The following HERC1 variants were observed in gnomAD, a reference collection of about 807,000 sequenced individuals.
HERC1 encodes the protein HECT and RLD domain containing E3 ubiquitin protein ligase family member 1.
HERC1 carries 160 observed loss-of-function variants against 554.3 expected under a neutral mutation model. The observed-to-expected ratio is 0.29, with a 90% CI of 0.25 to 0.33. HERC1 has a LOEUF of 0.33. Among genes scored for constraint, HERC1 ranks in the 10% least tolerant of loss-of-function variants. The pLI is 1.00. For missense variants in HERC1, 4,919 were observed against 5,918.5 expected (o/e 0.83, Z 5.54); for synonymous variants, 2,175 against 2,131.7 (o/e 1.02, Z -0.56).
intron 12 of HERC1, among the ~76,000 whole-genome samples, chr15:63,744,140 GTGTGTGTGTGTGTGTGTGTGTGTGTCTC>G (rs1197391057): frequency 4.7e-5 from 2 of 42,546 alleles, no homozygotes; most frequent in South Asian, 5.3e-4. Context: ...GTGTGTGTGT[GTGTGTGTGTGTGTGTGTGTGTGTGTCTC>G]TCTCTCTCTC....
chr15:63,662,382 T>C (rs1595917795), intron 44 of HERC1, among the ~76,000 whole-genome samples: 1 of 152,244 alleles, frequency 6.6e-6, no homozygotes, highest in Admixed American at 6.5e-5. Flanking sequence ...ACCTACTTTA[T>C]GAATTTTTGG....
chr15:63,637,289 A>G (rs530479839), intron 64 of HERC1, among the ~76,000 whole-genome samples: 1 of 152,214 alleles, frequency 6.6e-6, no homozygotes, highest in African/African-American at 2.4e-5. Flanking sequence ...AGTGTTATTT[A>G]TATTTCACTG....
intron 46 of HERC1, among the ~76,000 whole-genome samples, chr15:63,660,407 T>G (rs937620041): frequency 7.2e-5 from 11 of 152,162 alleles, no homozygotes; most frequent in African/African-American, 2.7e-4. Context: ...CATAATGAAC[T>G]ATGGCACCAT....
intron 74 of HERC1, among the ~76,000 whole-genome samples, chr15:63,621,581 CAG>C (rs1347704986): frequency 6.6e-6 from 1 of 151,818 alleles, no homozygotes; most frequent in Non-Finnish European, 1.5e-5. Flanking sequence ...TACTATCCTG[CAG>C]AGTGTTTTCC....
In HERC1 at chr15:63,696,168, G is replaced by A. The variant is rs200245307; in HGVS notation, c.5077C>T (p.His1693Tyr). ...CCACTCTCTCCCTTGCCTCCTGTGT[G>A]TCCAACAGTGCCTAAACCAAAACAC... ...AGCFGLGTVG[H>Y]TGGKGESGRL... The change falls in exon 27 of 78, where the codon CAC (histidine) becomes TAC (tyrosine). Residue 1693 changes from histidine to tyrosine, a missense_variant. This residue lies in a region of HERC1 where 1,121 missense variants were observed against 1,244.0 expected (regional missense o/e 0.90). Coordinates refer to ENST00000443617, the MANE Select transcript of HERC1 (RefSeq NM_003922.4). The A allele has an allele frequency of 2.0e-5, 33 of 1,613,558 alleles. No homozygotes were observed. The highest frequency in any genetic ancestry group is 2.6e-5 in the Non-Finnish European group (31 of 1,179,746).
At chr15:63,627,818 A>T (rs1232363577) in intron 70 of HERC1, among the ~76,000 whole-genome samples, 1 of 152,252 alleles carries the variant, frequency 6.6e-6, no homozygotes, top group African/African-American at 2.4e-5. Context: ...TGTTGAGCAC[A>T]CAAGTATGTA....
In HERC1 at chr15:63,806,592, C is replaced by T. The variant is rs76227313; in HGVS notation, c.-27+27235G>A. On this transcript the variant is annotated intron_variant, in intron 1 of 77. Coordinates refer to ENST00000443617, the MANE Select transcript of HERC1 (RefSeq NM_003922.4). ...CCTACTCTTTTGTCCCTTTCAGCCA[C>T]TGGCACCCTAGCTTTCTCACTGCAA... Among the ~76,000 whole-genome samples, 1,004 of 152,324 alleles carry T rather than the reference C, an allele frequency of 6.6e-3. 17 individuals are homozygous for T. Among genetic ancestry groups the T allele is most frequent in the African/African-American group, 0.023 (970 of 41,564 alleles).
chr15:63,674,951 G>A lies in HERC1; in HGVS notation c.7237C>T (p.Arg2413Ter), dbSNP rs1452104180. The change falls in exon 38 of 78, where the codon CGA becomes TGA. Residue 2413 changes from arginine (R) to a stop codon, truncating the protein, a stop_gained. Coordinates refer to ENST00000443617, the MANE Select transcript of HERC1 (RefSeq NM_003922.4). LOFTEE classifies it high-confidence loss of function. ...HEDMGKQSTK[R>*]HEKKHRHESE... ...TCATGTCGGTGTTTCTTTTCATGTC[G>A]TTTGGTGCTCTGTTTGCCCATGTCT... The A allele has an allele frequency of 1.2e-6, 2 of 1,613,938 alleles. No homozygotes were observed. The highest frequency in any genetic ancestry group is 1.6e-4 in the Middle Eastern group (1 of 6,062).
chr15:63,803,823 T>C (rs879647621), intron 1 of HERC1, among the ~76,000 whole-genome samples: 9 of 152,178 alleles, frequency 5.9e-5, no homozygotes, highest in Non-Finnish European at 1.2e-4. Context: ...TTCTAACTGA[T>C]AGAGAAAACA....
chr15:63,735,940 T>C (rs1202124477), intron 12 of HERC1, among the ~76,000 whole-genome samples: 1 of 152,154 alleles, frequency 6.6e-6, no homozygotes, highest in African/African-American at 2.4e-5. Flanking sequence ...AAATTTTAGC[T>C]GTGGAAATTC....
At position 63,612,838 on chromosome 15, in the gene HERC1, C is replaced by G. The variant is rs1365281409; in HGVS notation, c.14095-282G>C. ...CCCTCTACCACAAAATCTCAGCCCA[C>G]TGGGGCCTTCCCTGATGCCAGCCCC... On this transcript the variant is annotated intron_variant, in intron 76 of 77. Transcript: ENST00000443617. This position sits in a 1 kb window ranked among gnomAD's most constrained non-coding sequence, Gnocchi z 5.0. 1.3e-5 allele frequency among the ~76,000 whole-genome samples: 2 copies of G among 152,218 alleles called. No homozygotes were observed. The highest frequency in any genetic ancestry group is 2.9e-5 in the Non-Finnish European group (2 of 68,044).
rs184542515 is a variant in HERC1, at chr15:63,751,273, A to G, written c.1903-1482T>C. On this transcript the variant is annotated intron_variant, in intron 8 of 77. Coordinates refer to ENST00000443617, the MANE Select transcript of HERC1 (RefSeq NM_003922.4). ...GATACATACTTACCATTATATTACA[A>G]TTTCTGAAGGTATTCAGTACAGTAA... is the stretch of plus-strand genomic sequence containing the variant. 2.6e-5 allele frequency among the ~76,000 whole-genome samples: 4 copies of G among 152,316 alleles called. No individual in the cohort carries two copies. In the East Asian group the frequency reaches 7.7e-4, roughly 29 times the overall value.
At position 63,737,547 on chromosome 15, in the gene HERC1, A is replaced by ATC. The variant is rs1555431973; in HGVS notation, c.2521-2700_2521-2699dup. On this transcript the variant is annotated intron_variant, in intron 12 of 77. Transcript: ENST00000443617. ...TATATATATATATATATATATATAT[A>ATC]TCTTTTTTTTTTTTAGTAGAGAAGG... Among the ~76,000 whole-genome samples, 15 of 40,526 alleles carry ATC rather than the reference A, an allele frequency of 3.7e-4. 2 individuals carry two copies. The highest frequency in any genetic ancestry group is 5.7e-4 in the South Asian group (1 of 1,750). 26.6% of individuals were successfully genotyped at this position (40,526 alleles called of 152,430 possible).
chr15:63,793,140 G>A (rs1312526925), intron 1 of HERC1, among the ~76,000 whole-genome samples: 1 of 152,230 alleles, frequency 6.6e-6, no homozygotes, highest in Admixed American at 6.5e-5. Context: ...AGAGGCGTCT[G>A]AACCAGAGCA....
chr15:63,638,269 A>G, intron 63 of HERC1, 142 bp downstream of exon 63: 2 of 868,262 alleles, frequency 2.3e-6, no homozygotes, highest in Non-Finnish European at 3.5e-6. Flanking sequence ...TTTTTATTTG[A>G]AAGCTATATA....
At chr15:63,679,397 G>A (rs766638524) in intron 36 of HERC1, among the ~76,000 whole-genome samples, 2 of 152,080 alleles carry the variant, frequency 1.3e-5, no homozygotes, top group African/African-American at 2.4e-5. Flanking sequence ...AATATATCAG[G>A]TCCAGCAATT....
At chr15:63,652,717 A>G (rs562753129) in intron 51 of HERC1, among the ~76,000 whole-genome samples, 176 bp from the exon 52 acceptor site, 4 of 152,228 alleles carry the variant, frequency 2.6e-5, no homozygotes, top group African/African-American at 4.8e-5. Flanking sequence ...CAGTGGCTCA[A>G]TCTCAGCTCA....
chr15:63,760,120 T>C (rs951994648), intron 3 of HERC1, among the ~76,000 whole-genome samples: 1 of 149,632 alleles, frequency 6.7e-6, no homozygotes, highest in Non-Finnish European at 1.5e-5. Flanking sequence ...GAAAAAAAAA[T>C]TGAACTGGAT....
chr15:63,813,476 T>G (rs1387023910), intron 1 of HERC1, among the ~76,000 whole-genome samples: 1 of 145,906 alleles, frequency 6.9e-6, no homozygotes, highest in East Asian at 1.9e-4. Flanking sequence ...TGCGAAAGGG[T>G]TTTTTTTTAA....
Sources: gnomAD v4.1 joint callset for allele counts (sites outside exome capture counted in the v4.1 genomes callset) on GRCh38, gnomAD v4.1.1 for gene constraint, gnomAD v4.1.1 regional missense constraint, Gnocchi (gnomAD v3.1) non-coding constraint, MANE v1.5 for transcripts, NCBI Gene and HGNC (gene_info 2026-07-23, HGNC 2026-07-21) for gene names.